ZNF254: variants seen among roughly 807,000 people sequenced by gnomAD.
ZNF254 encodes the protein zinc finger protein 254.
ZNF254 carries 10 observed loss-of-function variants against 12.4 expected under a neutral mutation model. That is an observed-to-expected ratio of 0.80 (90% CI 0.50 to 1.36). The LOEUF (loss-of-function observed/expected upper bound fraction) is 1.36, where lower values mean the gene tolerates loss of function less well. ZNF254 is among the 40% of genes most tolerant of loss of function. The probability of loss-of-function intolerance (pLI) is 0.00; values close to 1 mark genes in which losing one functional copy is unlikely to be tolerated. For missense variants in ZNF254, 996 were observed against 763.9 expected, an observed-to-expected ratio of 1.30 and a Z score of -3.58; for synonymous variants, 305 against 253.4, an observed-to-expected ratio of 1.20 and a Z score of -1.93.
intron 2 of ZNF254, among the ~76,000 whole-genome samples, chr19:24,070,837 A>C (rs1328417813): frequency 6.6e-6 from 1 of 152,108 alleles, no homozygotes; most frequent in Non-Finnish European, 1.5e-5. Context: ...CACAGAGTAC[A>C]TTGTGACATA....
intron 3 of ZNF254, among the ~76,000 whole-genome samples, chr19:24,109,339 C>G (rs1311724655): frequency 6.6e-6 from 1 of 152,108 alleles, no homozygotes; most frequent in Admixed American, 6.6e-5. Flanking sequence ...CAGTTACAGT[C>G]AAACATTGCA....
intron 2 of ZNF254, among the ~76,000 whole-genome samples, chr19:24,047,662 T>C (rs1295584247): frequency 1.3e-5 from 2 of 149,260 alleles, no homozygotes; most frequent in Non-Finnish European, 3.0e-5. Flanking sequence ...TCTTTCTTTA[T>C]TCTACATTTT....
At chr19:24,107,903 G>A (rs923925643) in intron 3 of ZNF254, among the ~76,000 whole-genome samples, 1 of 152,156 alleles carries the variant, frequency 6.6e-6, no homozygotes, top group Non-Finnish European at 1.5e-5. Flanking sequence ...TTTGCACAAG[G>A]GTCCACCTTC....
intron 2 of ZNF254, chr19:24,066,684 AAAACAAAAC>A (rs1971281514): frequency 0.012 from 2 of 162 alleles, no homozygotes; most frequent in Non-Finnish European, 0.02. Flanking sequence ...TGTCTCTACT[AAAACAAAAC>A]AAAACAAAAC....
chr19:24,059,328 G>T (rs1970983560), intron 2 of ZNF254, among the ~76,000 whole-genome samples: 1 of 152,162 alleles, frequency 6.6e-6, no homozygotes, highest in Non-Finnish European at 1.5e-5. Context: ...TCCATATGGG[G>T]ATTGTGATAT....
chr19:24,079,626 C>T (rs1342466464), intron 2 of ZNF254: 1 of 152,180 alleles, frequency 6.6e-6, no homozygotes, highest in Non-Finnish European at 1.5e-5. Context: ...TAACTCTGAC[C>T]TACAGTTTAA....
At chr19:24,039,006 C>T (rs1970063801) in intron 1 of ZNF254, among the ~76,000 whole-genome samples, 1 of 152,216 alleles carries the variant, frequency 6.6e-6, no homozygotes. Context: ...CTTTGGCTTG[C>T]TTTTCTGCCC....
chr19:24,061,279 T>C (rs1032216953), intron 2 of ZNF254, among the ~76,000 whole-genome samples: 2 of 152,146 alleles, frequency 1.3e-5, no homozygotes, highest in African/African-American at 4.8e-5. Context: ...AAGGAAAGAT[T>C]GTGACATATC....
intron 3 of ZNF254, among the ~76,000 whole-genome samples, chr19:24,110,328 G>C (rs989105810): frequency 6.6e-6 from 1 of 152,068 alleles, no homozygotes; most frequent in Non-Finnish European, 1.5e-5. Context: ...TGAGAGGCCA[G>C]GACAGGAGGA....
At chr19:24,124,028 A>G (rs1974664531) in intron 3 of ZNF254, among the ~76,000 whole-genome samples, 1 of 152,010 alleles carries the variant, frequency 6.6e-6, no homozygotes, top group Non-Finnish European at 1.5e-5. Context: ...TTTATTAAGT[A>G]TTTTATTTGA....
At chr19:24,034,220 C>A (rs1448967059) in intron 1 of ZNF254, among the ~76,000 whole-genome samples, 4 of 151,982 alleles carry the variant, frequency 2.6e-5, no homozygotes, top group African/African-American at 9.7e-5. Flanking sequence ...GAAATAGAAG[C>A]CTGAACTCAG....
intron 1 of ZNF254, among the ~76,000 whole-genome samples, chr19:24,089,783 C>T (rs999715896): frequency 3.3e-5 from 5 of 151,924 alleles, no homozygotes; most frequent in African/African-American, 1.2e-4. Flanking sequence ...AGACACATTG[C>T]TGGTCAGTCA....
intron 1 of ZNF254, among the ~76,000 whole-genome samples, chr19:24,088,582 C>T (rs1227553607): frequency 6.6e-6 from 1 of 152,140 alleles, no homozygotes; most frequent in Non-Finnish European, 1.5e-5. Context: ...TGTCCCCTCC[C>T]TAATTCACTT....
At chr19:24,056,862 T>C (rs1357900881) in intron 2 of ZNF254, among the ~76,000 whole-genome samples, 1 of 152,190 alleles carries the variant, frequency 6.6e-6, no homozygotes, top group Non-Finnish European at 1.5e-5. Context: ...TTAATTCTTC[T>C]GCCTGGTGCC....
At chr19:24,081,510 C>T (rs1345964361) in intron 2 of ZNF254, among the ~76,000 whole-genome samples, 2 of 152,158 alleles carry the variant, frequency 1.3e-5, no homozygotes, top group Non-Finnish European at 2.9e-5. Context: ...CATGACTCTA[C>T]TCATTTGGGA....
intron 1 of ZNF254, among the ~76,000 whole-genome samples, chr19:24,041,431 C>T (rs6511679): frequency 0.32 from 49,082 of 152,190 alleles, 9,485 homozygotes; most frequent in African/African-American, 0.55. Context: ...CCTGCTGGCC[C>T]CGGGCAATGG....
intron 3 of ZNF254, among the ~76,000 whole-genome samples, chr19:24,116,060 G>T (rs367750190): frequency 2.0e-5 from 3 of 152,186 alleles, no homozygotes; most frequent in East Asian, 3.8e-4. Flanking sequence ...TCTGCCGAGA[G>T]GTCCACTCTT....
At chr19:24,110,611 T>A (rs969031506) in intron 3 of ZNF254, among the ~76,000 whole-genome samples, 1 of 152,072 alleles carries the variant, frequency 6.6e-6, no homozygotes, top group African/African-American at 2.4e-5. Flanking sequence ...TATATTCACA[T>A]CGTTATGCAA....
intron 1 of ZNF254, among the ~76,000 whole-genome samples, chr19:24,098,142 A>T (rs1972781654): frequency 6.6e-6 from 1 of 152,234 alleles, no homozygotes; most frequent in Admixed American, 6.5e-5. Flanking sequence ...GTACATTAAA[A>T]TTATTCATAC....
Sources: allele counts gnomAD v4.1 joint callset (sites outside exome capture counted in the v4.1 genomes callset), GRCh38; gene constraint gnomAD v4.1.1; transcripts MANE v1.5; gene names NCBI Gene and HGNC (gene_info 2026-07-23, HGNC 2026-07-21).